Variants in POLR3G observed in about 807,000 individuals in gnomAD.
POLR3G encodes DNA-directed RNA polymerase III subunit RPC7.
In POLR3G, 28 loss-of-function variants were observed where a neutral mutation model predicts 30.1. The observed-to-expected ratio is 0.93, with a 90% CI of 0.69 to 1.27. The LOEUF (loss-of-function observed/expected upper bound fraction) is 1.27, where lower values mean the gene tolerates loss of function less well. Ranked by LOEUF, POLR3G falls within the 50% of genes most tolerant of loss-of-function variation. The pLI is 0.00. For synonymous variants in POLR3G, 79 were observed against 82.5 expected (o/e 0.96, Z 0.23); for missense variants, 254 against 264.6 (o/e 0.96, Z 0.28).
In POLR3G at chr5:90,485,659, T is replaced by C; in HGVS notation, c.92T>C (p.Val31Ala). Reference protein sequence around the residue: ...FSKGEKLPDVVLKPPPLFPDT... With the variant: ...FSKGEKLPDVALKPPPLFPDT... ...AAAGGTGAAAAGTTACCTGATGTAG[T>C]GTTGAAACCACCCCCACTATTTCCT... Residue 31 changes from valine (V) to alanine (A), a missense_variant, in exon 2 of 8, where the codon GTG (valine) becomes GCG (alanine). Physicochemically the swap from Val to Ala is moderately conservative, Grantham distance 64. Transcript: ENST00000651687. 1 of 1,613,532 alleles carries C rather than the reference T, an allele frequency of 6.2e-7. No individual in the cohort carries two copies. Among genetic ancestry groups the C allele is most frequent in the Non-Finnish European group, 8.5e-7 (1 of 1,179,616 alleles).
At chr5:90,491,095 A>G (rs1021275491) in intron 3 of POLR3G, among the ~76,000 whole-genome samples, 1 of 152,228 alleles carries the variant, frequency 6.6e-6, no homozygotes, top group Non-Finnish European at 1.5e-5. Flanking sequence ...CTGGTGGCTC[A>G]GGGCATTGAG....
rs1333928263 is a variant in POLR3G, at chr5:90,512,978, TGTG to T, written c.*844_*846del. ...TGTGTGTGAACTCTATGAAGTGAAGTGTGGTGGCCTTTTATGTTTCAGAGTACT... is the reference window on the plus strand; with the variant it reads ...TGTGTGTGAACTCTATGAAGTGAAGTGTGGCCTTTTATGTTTCAGAGTACT... On this transcript the variant is annotated 3_prime_UTR_variant, in exon 8 of 8. Coordinates refer to ENST00000651687, the MANE Select transcript of POLR3G (RefSeq NM_006467.3). 2.6e-5 allele frequency: 4 copies of T among 152,030 alleles called. No individual in the cohort carries two copies. The highest frequency in any genetic ancestry group is 2.0e-4 in the Admixed American group (3 of 15,256). The allele number at this position is 152,030 out of a possible 1,614,324, so 9.4% of individuals were successfully genotyped here.
At chr5:90,509,476 G>C (rs916846058) in intron 7 of POLR3G, among the ~76,000 whole-genome samples, 1 of 152,170 alleles carries the variant, frequency 6.6e-6, no homozygotes, top group Non-Finnish European at 1.5e-5. Flanking sequence ...GACAAAAAAG[G>C]TAACAGTTAA....
intron 1 of POLR3G, among the ~76,000 whole-genome samples, chr5:90,483,855 G>T (rs1441473732): frequency 6.6e-6 from 1 of 152,128 alleles, no homozygotes; most frequent in African/African-American, 2.4e-5. Context: ...CACATCCTGA[G>T]TGTTACATAG....
rs2151917588 is a variant in POLR3G, at chr5:90,512,389, A to G, written c.*250A>G. 1 of 357,104 alleles carries G rather than the reference A, an allele frequency of 2.8e-6. No individual in the cohort carries two copies. Among genetic ancestry groups the G allele is most frequent in the Non-Finnish European group, 5.2e-6 (1 of 190,534 alleles). The allele number at this position is 357,104 out of a possible 1,614,324, so 22.1% of individuals were successfully genotyped here. ...TATGTACTCTCATGGGTTTTTTTGT[A>G]TGATTTGAATATGAATGTGCCTAAA... is the stretch of plus-strand genomic sequence containing the variant. On this transcript the variant is annotated 3_prime_UTR_variant, in exon 8 of 8. Transcript: ENST00000651687.
chr5:90,514,500 TAAGC>T lies in POLR3G; in HGVS notation c.*2363_*2366del, dbSNP rs1752877351. ...AATATAGATCTTAACTAGTAACTAT[TAAGC>T]AGGGATGTTTGTTCCAAATATTCTT... On this transcript the variant is annotated 3_prime_UTR_variant, in exon 8 of 8. Coordinates refer to ENST00000651687, the MANE Select transcript of POLR3G (RefSeq NM_006467.3). 6.6e-6 allele frequency: 1 copy of T among 152,214 alleles called. No homozygotes were observed. The highest frequency in any genetic ancestry group is 2.4e-5 in the African/African-American group (1 of 41,460). The allele number at this position is 152,214 out of a possible 1,614,324, so 9.4% of individuals were successfully genotyped here.
At chr5:90,474,792 A>C, upstream of POLR3G, 1 of 178,886 alleles carries the variant, frequency 5.6e-6, no homozygotes, top group South Asian at 1.1e-4. Flanking sequence ...GCGCCTGCCA[A>C]GGGCAAAAAA....
intron 7 of POLR3G, among the ~76,000 whole-genome samples, chr5:90,509,073 A>G (rs916835434): frequency 1.3e-5 from 2 of 152,216 alleles, no homozygotes; most frequent in African/African-American, 2.4e-5. Context: ...CTTTATTTAA[A>G]TTCAACAATT....
chr5:90,506,407 C>A (rs1752486092), intron 6 of POLR3G, 121 bp from the exon 7 acceptor site: 2 of 1,342,160 alleles, frequency 1.5e-6, no homozygotes, highest in Non-Finnish European at 2.0e-6. Context: ...AGGTGGTAGC[C>A]AGGAGGTGGT....
In POLR3G at chr5:90,502,801, C is replaced by CTTTTTTTTT. The variant is rs34374200; in HGVS notation, c.438+815_438+816insTTTTTTTTT. ...TAAGTCTGTGTAGAGTTACCTCATCCTTCTTTTTTTTTTTTTGGCTGCACT... is the reference window on the plus strand; with the variant it reads ...TAAGTCTGTGTAGAGTTACCTCATCCTTTTTTTTTTTCTTTTTTTTTTTTTGGCTGCACT... On this transcript the variant is annotated intron_variant, in intron 6 of 7. Coordinates refer to ENST00000651687, the MANE Select transcript of POLR3G (RefSeq NM_006467.3). Among the ~76,000 whole-genome samples, 14 of 142,272 alleles carry CTTTTTTTTT rather than the reference C, an allele frequency of 9.8e-5. 6 individuals carry two copies. Among genetic ancestry groups the CTTTTTTTTT allele is most frequent in the Non-Finnish European group, 1.7e-4 (11 of 65,576 alleles). The allele number at this position is 142,272 out of a possible 152,430, so 93.3% of individuals were successfully genotyped here.
chr5:90,512,176 C>A lies in POLR3G; in HGVS notation c.*37C>A. 1 of 1,230,704 alleles carries A rather than the reference C, an allele frequency of 8.1e-7. No homozygotes were observed. Among genetic ancestry groups the A allele is most frequent in the Non-Finnish European group, 1.2e-6 (1 of 833,620 alleles). 76.2% of individuals were successfully genotyped at this position (1,230,704 alleles called of 1,614,324 possible). Reference sequence around the variant, plus strand: ...TTCAAAAAATATTTTTATGATGCAGCTTCTGAACATTTGGACAGACTTGAT... The same window carrying A: ...TTCAAAAAATATTTTTATGATGCAGATTCTGAACATTTGGACAGACTTGAT... On this transcript the variant is annotated 3_prime_UTR_variant, in exon 8 of 8. Transcript: ENST00000651687.
intron 3 of POLR3G, among the ~76,000 whole-genome samples, chr5:90,494,485 G>C (rs114206533): frequency 0.014 from 2,165 of 152,244 alleles, 60 homozygotes; most frequent in African/African-American, 0.05. Context: ...TTCTAAAGTG[G>C]CCACCCGATT....
At position 90,485,518 on chromosome 5, in the gene POLR3G, T is replaced by C. The variant is rs1751391883; in HGVS notation, c.-43-7T>C. 3 of 1,289,106 alleles carry C rather than the reference T, an allele frequency of 2.3e-6. No individual in the cohort carries two copies. The East Asian group carries it at 7.0e-5, about 30-fold the overall frequency. 79.9% of individuals were successfully genotyped at this position (1,289,106 alleles called of 1,614,324 possible). A position where few individuals can be genotyped will look rare whatever the true frequency, so the allele number is the denominator to read the frequency against. ...TATGTGATCCAGTAAATCGTAATCA[T>C]TAATAGTGCCTTTCAGAATTTGCCC... On this transcript the variant is annotated splice_polypyrimidine_tract_variant and splice_region_variant and intron_variant, in intron 1 of 7. Transcript: ENST00000651687.
intron 1 of POLR3G, among the ~76,000 whole-genome samples, chr5:90,482,888 C>T (rs1751215858): frequency 6.6e-6 from 1 of 152,178 alleles, no homozygotes; most frequent in Non-Finnish European, 1.5e-5. Flanking sequence ...CAACTATAAT[C>T]CCAGAACTTT....
intron 7 of POLR3G, among the ~76,000 whole-genome samples, chr5:90,510,883 A>G (rs961227668): frequency 6.7e-6 from 1 of 149,924 alleles, no homozygotes; most frequent in African/African-American, 2.4e-5. Context: ...AAAAAAAAAA[A>G]CTTTGGAAAA....
chr5:90,479,897 CTG>C (rs1340787008), intron 1 of POLR3G, among the ~76,000 whole-genome samples: 2 of 152,072 alleles, frequency 1.3e-5, no homozygotes, highest in South Asian at 2.1e-4. Context: ...AGAATCAAAA[CTG>C]TGCTTTAGGA....
At position 90,492,713 on chromosome 5, in the gene POLR3G, T is replaced by C. The variant is rs145746842; in HGVS notation, c.248-2964T>C. 5.1e-3 allele frequency among the ~76,000 whole-genome samples: 776 copies of C among 151,936 alleles called. 7 individuals carry two copies. The highest frequency in any genetic ancestry group is 0.018 in the African/African-American group (743 of 41,410). On this transcript the variant is annotated intron_variant, in intron 3 of 7. Transcript: ENST00000651687. Reference sequence around the variant, plus strand: ...CTGGCTAACATGGTGAAACCCCGTCTCTACTAAAAATACAAAAAATTAGCC... The same window carrying C: ...CTGGCTAACATGGTGAAACCCCGTCCCTACTAAAAATACAAAAAATTAGCC...
rs768132647 is a variant in POLR3G, at chr5:90,506,609, G to T, written c.520G>T (p.Gly174Cys). ...AGGAAGCAAAGAGAAAAGTAAAGAA[G>T]GTGATGATGACGATGACGATGATGC... Reference protein sequence around the residue: ...KEGSKEKSKEGDDDDDDDAAE... With the variant: ...KEGSKEKSKECDDDDDDDAAE... Residue 174 changes from glycine to cysteine, a missense_variant, in exon 7 of 8, where the codon GGT becomes TGT. By Grantham distance (159) the Gly-to-Cys change is radical. Transcript: ENST00000651687. 5 of 1,613,700 alleles carry T rather than the reference G, an allele frequency of 3.1e-6. No homozygotes were observed. In the South Asian group the frequency reaches 4.4e-5, roughly 14 times the overall value.
chr5:90,496,201 C>T (rs544884254), intron 4 of POLR3G, among the ~76,000 whole-genome samples: 46 of 152,104 alleles, frequency 3.0e-4, no homozygotes, highest in African/African-American at 1.1e-3. Context: ...TTGATCTGAC[C>T]TCATGATCCG....
Sources: gnomAD v4.1 joint callset for allele counts (sites outside exome capture counted in the v4.1 genomes callset) on GRCh38, gnomAD v4.1.1 for gene constraint, MANE v1.5 for transcripts, NCBI Gene and HGNC (gene_info 2026-07-23, HGNC 2026-07-21) for gene names.